The following IL1RAPL1 variants were observed in gnomAD, a reference collection of about 807,000 sequenced individuals.
IL1RAPL1 encodes the protein interleukin-1 receptor accessory protein-like 1.
In IL1RAPL1, 3 loss-of-function variants were observed where a neutral mutation model predicts 48.4. The ratio of observed to expected loss-of-function variants is 0.06; its 90% CI spans 0.03 to 0.16. The LOEUF is 0.16. IL1RAPL1 is among the 10% of genes least tolerant of loss of function. The pLI, the probability that IL1RAPL1 is intolerant of heterozygous loss-of-function variation, is 1.00. For missense variants in IL1RAPL1, 349 were observed against 530.6 expected (o/e 0.66, Z 3.36); for synonymous variants, 185 against 187.7 (o/e 0.99, Z 0.12).
chrX:29,409,584 T>C (rs1270176402), intron 5 of IL1RAPL1, among the ~76,000 whole-genome samples: 1 of 111,146 alleles, frequency 9.0e-6, no homozygotes, highest in Admixed American at 9.6e-5. Context: ...TTAACATTTA[T>C]TGTTAAGGTG....
chrX:28,671,084 C>T (rs983103192), intron 1 of IL1RAPL1, among the ~76,000 whole-genome samples: 8 of 111,801 alleles, frequency 7.2e-5, no homozygotes, highest in Non-Finnish European at 1.1e-4. Flanking sequence ...ATTTAAAAAC[C>T]AGAAAAGGTA....
intron 5 of IL1RAPL1, among the ~76,000 whole-genome samples, chrX:29,406,172 A>G (rs1251201914): frequency 4.0e-4 from 44 of 111,222 alleles, no homozygotes; most frequent in Non-Finnish European, 6.0e-4. Context: ...GGCGGATCAC[A>G]AGGTCAGGAG....
chrX:29,433,852 C>T (rs191443813), intron 5 of IL1RAPL1, among the ~76,000 whole-genome samples: 17 of 108,838 alleles, frequency 1.6e-4, no homozygotes, highest in African/African-American at 4.3e-4. Flanking sequence ...TCTTTGTAGT[C>T]CTTATTAATT....
intron 1 of IL1RAPL1, among the ~76,000 whole-genome samples, chrX:28,781,123 T>C (rs1250643419): frequency 9.1e-6 from 1 of 110,093 alleles, no homozygotes; most frequent in Non-Finnish European, 1.9e-5. Context: ...ACTATACAAA[T>C]ATATTATCAT....
Position 29,755,764 on chromosome X carries a change from T to G in IL1RAPL1, c.778+87260T>G, listed in dbSNP as rs1275588084. 2.7e-5 allele frequency among the ~76,000 whole-genome samples: 3 copies of G among 112,648 alleles called. No homozygotes were observed. In the East Asian group the frequency reaches 8.3e-4, roughly 31 times the overall value. On this transcript the variant is annotated intron_variant, in intron 6 of 10. Transcript: ENST00000378993. Reference sequence around the variant, plus strand: ...TGTGCTTAACATCTGAATGTATCATTTACTTTAGTTAGAGTACACATGGTA... The same window carrying G: ...TGTGCTTAACATCTGAATGTATCATGTACTTTAGTTAGAGTACACATGGTA...
chrX:29,797,526 G>T (rs962031570), intron 6 of IL1RAPL1, among the ~76,000 whole-genome samples: 1 of 111,910 alleles, frequency 8.9e-6, no homozygotes, highest in Admixed American at 9.5e-5. Flanking sequence ...AAGATGGGTG[G>T]CATCACATTC....
intron 5 of IL1RAPL1, among the ~76,000 whole-genome samples, chrX:29,562,176 A>ATCTG (rs1922257944): frequency 1.0e-5 from 1 of 95,451 alleles, no homozygotes; most frequent in African/African-American, 4.0e-5. Flanking sequence ...CTATCTATCT[A>ATCTG]TCTAGTAGAG....
chrX:28,680,499 G>GTCCTTATAC (rs1270483619), intron 1 of IL1RAPL1, among the ~76,000 whole-genome samples: 1 of 111,603 alleles, frequency 9.0e-6, no homozygotes, highest in Non-Finnish European at 1.9e-5. Flanking sequence ...TTGAAGAGAA[G>GTCCTTATAC]TGGTAAGCAT....
rs1477248578 is a variant in IL1RAPL1, at chrX:28,762,821, CACAGAGAGAGAGAGAGAGAGAG to C, written c.-24-26497_-24-26476del. Among the ~76,000 whole-genome samples the C allele has an allele frequency of 2.4e-4, 9 of 37,337 alleles. No homozygotes were observed. The Admixed American group carries it at 3.5e-3, about 14-fold the overall frequency. 32.4% of individuals were successfully genotyped at this position (37,337 alleles called of 115,157 possible). On this transcript the variant is annotated intron_variant, in intron 1 of 10. Transcript: ENST00000378993. ...ACACACACACACACACACACACACACACAGAGAGAGAGAGAGAGAGAGAGAGAGAGAAGCTTGTTTCACGTAA... is the reference window on the plus strand; with the variant it reads ...ACACACACACACACACACACACACACAGAGAGAGAAGCTTGTTTCACGTAA...
chrX:29,368,590 CTTTTTTTTT>C (rs894805840), intron 3 of IL1RAPL1, among the ~76,000 whole-genome samples: 1 of 87,676 alleles, frequency 1.1e-5, no homozygotes, highest in African/African-American at 4.4e-5. Context: ...CTTTTTCTTT[CTTTTTTTTT>C]TTTTTTTTTT....
chrX:29,031,772 T>A (rs1423886966), intron 2 of IL1RAPL1, among the ~76,000 whole-genome samples: 1 of 111,098 alleles, frequency 9.0e-6, no homozygotes, highest in Non-Finnish European at 1.9e-5. Context: ...CCTTTTACGG[T>A]TTTTCTGGTT....
At chrX:28,952,534 T>C (rs1924497886) in intron 2 of IL1RAPL1, among the ~76,000 whole-genome samples, 1 of 111,724 alleles carries the variant, frequency 9.0e-6, no homozygotes, top group Non-Finnish European at 1.9e-5. Context: ...ACACATTTTC[T>C]CATCTAAGCA....
intron 5 of IL1RAPL1, among the ~76,000 whole-genome samples, chrX:29,418,123 A>ATTTTT (rs1477273573): frequency 5.4e-4 from 16 of 29,477 alleles, no homozygotes; most frequent in African/African-American, 1.6e-3. Flanking sequence ...ATATATATAT[A>ATTTTT]TATTTTTTTT....
At chrX:29,360,989 G>A (rs752507962) in intron 3 of IL1RAPL1, among the ~76,000 whole-genome samples, 1 of 111,568 alleles carries the variant, frequency 9.0e-6, no homozygotes, top group Non-Finnish European at 1.9e-5. Context: ...TGTAAATAAT[G>A]ATTAATGAAA....
intron 2 of IL1RAPL1, among the ~76,000 whole-genome samples, chrX:28,990,772 C>T (rs1925584885): frequency 9.0e-6 from 1 of 111,427 alleles, no homozygotes; most frequent in South Asian, 3.8e-4. Context: ...TGTGGCTCAC[C>T]CAACAATGAT....
intron 2 of IL1RAPL1, among the ~76,000 whole-genome samples, chrX:29,079,601 G>A (rs916927335): frequency 1.8e-5 from 2 of 109,517 alleles, no homozygotes; most frequent in Admixed American, 9.9e-5. Flanking sequence ...CAGAGTAATA[G>A]GTGAATGTGT....
At chrX:29,025,441 A>G (rs1281620924) in intron 2 of IL1RAPL1, among the ~76,000 whole-genome samples, 2 of 111,419 alleles carry the variant, frequency 1.8e-5, no homozygotes, top group African/African-American at 6.5e-5. Context: ...TGCCAGGGAG[A>G]TCTTTGTAGA....
At chrX:28,593,987 A>C (rs1379249210) in intron 1 of IL1RAPL1, among the ~76,000 whole-genome samples, 1 of 111,361 alleles carries the variant, frequency 9.0e-6, no homozygotes, top group South Asian at 3.7e-4. Context: ...TGAATATAAT[A>C]ACTCTTTAAA....
intron 8 of IL1RAPL1, among the ~76,000 whole-genome samples, chrX:29,932,078 A>G (rs1213219139): frequency 1.8e-5 from 2 of 112,245 alleles, no homozygotes; most frequent in African/African-American, 3.2e-5. Context: ...TTATAACAGT[A>G]TCTTCCTTCT....
Sources: allele counts gnomAD v4.1 joint callset (sites outside exome capture counted in the v4.1 genomes callset), GRCh38; gene constraint gnomAD v4.1.1; transcripts MANE v1.5; gene names NCBI Gene and HGNC (gene_info 2026-07-23, HGNC 2026-07-21).